Variants in LINGO1 observed in about 807,000 individuals in gnomAD.
LINGO1 encodes the protein leucine rich repeat and Ig domain containing 1, also known as leucine-rich repeat and immunoglobulin-like domain-containing nogo receptor-interacting protein 1.
A neutral mutation model predicts 37.3 loss-of-function variants in LINGO1; 11 were observed. That is an observed-to-expected ratio of 0.29 (90% CI 0.19 to 0.49). The LOEUF (loss-of-function observed/expected upper bound fraction) is 0.49, where lower values mean the gene tolerates loss of function less well. Among genes scored for constraint, LINGO1 ranks in the 20% least tolerant of loss-of-function variants. The pLI is 0.99. For synonymous variants in LINGO1, 387 were observed against 403.0 expected (o/e 0.96, Z 0.48); for missense variants, 585 against 878.2 (o/e 0.67, Z 4.22).
chr15:77,703,596 G>A (rs2075812368), intron 2 of LINGO1, among the ~76,000 whole-genome samples: 1 of 152,188 alleles, frequency 6.6e-6, no homozygotes, highest in Non-Finnish European at 1.5e-5. Flanking sequence ...TGCTTGTGGG[G>A]TGATGTCAGG....
chr15:77,636,457 A>G (rs980928209), upstream of LINGO1, among the ~76,000 whole-genome samples: 1 of 152,156 alleles, frequency 6.6e-6, no homozygotes, highest in East Asian at 1.9e-4. Flanking sequence ...GGAGACCAGG[A>G]GCCTTGGAGG....
intron 2 of LINGO1, among the ~76,000 whole-genome samples, chr15:77,717,364 G>A (rs570068788): frequency 2.0e-5 from 3 of 150,840 alleles, no homozygotes; most frequent in Admixed American, 1.3e-4. Context: ...GGGCAGAGGT[G>A]GGGGTGGCAG....
At chr15:77,644,937 G>A (rs868291559) in intron 3 of LINGO1, among the ~76,000 whole-genome samples, 20 of 152,050 alleles carry the variant, frequency 1.3e-4, no homozygotes, top group African/African-American at 3.6e-4. Context: ...GATCTAGAAG[G>A]CCCCAGACGA....
At chr15:77,755,480 C>A (rs1419322728) in intron 1 of LINGO1, among the ~76,000 whole-genome samples, 1 of 152,226 alleles carries the variant, frequency 6.6e-6, no homozygotes, top group Non-Finnish European at 1.5e-5. Flanking sequence ...TGCTGTCACG[C>A]TGAGCAGGCC....
chr15:77,662,814 G>A (rs1012037376), intron 3 of LINGO1, among the ~76,000 whole-genome samples: 7 of 152,244 alleles, frequency 4.6e-5, no homozygotes, highest in Non-Finnish European at 7.3e-5. Context: ...CACACACACT[G>A]CACATGTGTA....
At chr15:77,727,186 T>C (rs984850522) in intron 2 of LINGO1, among the ~76,000 whole-genome samples, 7 of 152,258 alleles carry the variant, frequency 4.6e-5, no homozygotes, top group Admixed American at 6.5e-5. Context: ...AAAAATAGAA[T>C]TACCATTCGA....
chr15:77,623,626 A>G (rs2073991027), intron 1 of LINGO1, among the ~76,000 whole-genome samples: 1 of 152,216 alleles, frequency 6.6e-6, no homozygotes, highest in Admixed American at 6.5e-5. Context: ...GCTGGGGGCC[A>G]GGCAGCCAGT....
Position 77,761,004 on chromosome 15 carries a change from G to A in LINGO1, c.-257+25865C>T, listed in dbSNP as rs2076471711. On this transcript the variant is annotated intron_variant, in intron 1 of 3. Coordinates refer to the LINGO1 transcript ENST00000561686. ...TGCAGTGGCATGACCTCAGCTCACTGCAACCTTTGCCTCCCAGAATCAGGT... is the reference window on the plus strand; with the variant it reads ...TGCAGTGGCATGACCTCAGCTCACTACAACCTTTGCCTCCCAGAATCAGGT... 6.6e-5 allele frequency among the ~76,000 whole-genome samples: 9 copies of A among 135,658 alleles called. No homozygotes were observed. The South Asian group carries it at 7.0e-4, about 11-fold the overall frequency. 89.0% of individuals were successfully genotyped at this position (135,658 alleles called of 152,430 possible).
intron 2 of LINGO1, among the ~76,000 whole-genome samples, chr15:77,684,392 G>T (rs2075468150): frequency 6.6e-6 from 1 of 152,198 alleles, no homozygotes; most frequent in Non-Finnish European, 1.5e-5. Context: ...ATTAGAGGGG[G>T]TAAGTGGACC....
In LINGO1 at chr15:77,754,215, G is replaced by C. The variant is rs142454899; in HGVS notation, c.-256-19162C>G. Among the ~76,000 whole-genome samples, 279 of 150,620 alleles carry C rather than the reference G, an allele frequency of 1.9e-3. 2 individuals are homozygous for C. Among genetic ancestry groups the C allele is most frequent in the South Asian group, 0.011 (52 of 4,726 alleles). The stretch of plus-strand genomic sequence containing the variant: ...CAAGAGGATGGAAAAGAGGGAAGAA[G>C]GGAAGGAAAAGAGGAAAGGAGGAAG... On this transcript the variant is annotated intron_variant, in intron 1 of 3. Coordinates refer to the LINGO1 transcript ENST00000561686.
At chr15:77,719,384 G>A (rs550136335) in intron 2 of LINGO1, among the ~76,000 whole-genome samples, 4 of 149,860 alleles carry the variant, frequency 2.7e-5, no homozygotes, top group Non-Finnish European at 5.9e-5. Context: ...GTGGTCAACT[G>A]AGTGCCCCTC....
chr15:77,620,407 G>C (rs1273437546), intron 1 of LINGO1, among the ~76,000 whole-genome samples: 1 of 152,370 alleles, frequency 6.6e-6, no homozygotes, highest in Non-Finnish European at 1.5e-5. Flanking sequence ...GCAGAGGGCA[G>C]GTCCTAGGCT....
At position 77,744,642 on chromosome 15, in the gene LINGO1, C is replaced by A. The variant is rs137887214; in HGVS notation, c.-256-9589G>T. On this transcript the variant is annotated intron_variant, in intron 1 of 3. Transcript: ENST00000561686. ...CATGTATAAACTCATCTAATCAACACGACAAGACTGTGAGCTAGGTTCTAT... is the reference window on the plus strand; with the variant it reads ...CATGTATAAACTCATCTAATCAACAAGACAAGACTGTGAGCTAGGTTCTAT... Among the ~76,000 whole-genome samples the A allele has an allele frequency of 1.5e-4, 23 of 152,372 alleles. 1 individual carries two copies. In the East Asian group the frequency reaches 4.4e-3, roughly 29 times the overall value.
At chr15:77,774,612 A>C (rs2076619028) in intron 1 of LINGO1, among the ~76,000 whole-genome samples, 1 of 152,024 alleles carries the variant, frequency 6.6e-6, no homozygotes, top group African/African-American at 2.4e-5. Flanking sequence ...CAGCCCACCC[A>C]CCACACAGAA....
intron 1 of LINGO1, among the ~76,000 whole-genome samples, chr15:77,764,193 C>T (rs1297650697): frequency 6.6e-6 from 1 of 152,226 alleles, no homozygotes; most frequent in African/African-American, 2.4e-5. Context: ...ATATGTGCAC[C>T]TGGGATGCCT....
chr15:77,690,386 G>A (rs535017519), intron 2 of LINGO1, among the ~76,000 whole-genome samples: 2 of 152,290 alleles, frequency 1.3e-5, no homozygotes, highest in Admixed American at 1.3e-4. Flanking sequence ...GGCATCTTTT[G>A]ACCATGTCAT....
chr15:77,654,802 C>T (rs2074833213), intron 3 of LINGO1, among the ~76,000 whole-genome samples: 1 of 152,208 alleles, frequency 6.6e-6, no homozygotes, highest in African/African-American at 2.4e-5. Flanking sequence ...GGAAATAATG[C>T]TACTTCCCTG....
At chr15:77,709,241 G>A (rs2075889563) in intron 2 of LINGO1, among the ~76,000 whole-genome samples, 1 of 152,202 alleles carries the variant, frequency 6.6e-6, no homozygotes, top group Admixed American at 6.5e-5. Context: ...CATGGAAAAT[G>A]GCCTTAAAAT....
intron 1 of LINGO1, among the ~76,000 whole-genome samples, chr15:77,750,110 G>T (rs1459548059): frequency 6.6e-6 from 1 of 152,034 alleles, no homozygotes; most frequent in Non-Finnish European, 1.5e-5. Flanking sequence ...GTGCCCTGGA[G>T]TCAGAGCAGG....
Sources: gnomAD v4.1 joint callset for allele counts (sites outside exome capture counted in the v4.1 genomes callset) on GRCh38, gnomAD v4.1.1 for gene constraint, MANE v1.5 for transcripts, NCBI Gene and HGNC (gene_info 2026-07-23, HGNC 2026-07-21) for gene names.